RB1: variants seen among roughly 807,000 people sequenced by gnomAD.
RB1 encodes RB transcriptional corepressor 1.
Under a neutral mutation model 135.4 loss-of-function variants are expected in RB1, and 18 were observed. The ratio of observed to expected loss-of-function variants is 0.13; its 90% CI spans 0.09 to 0.20. The LOEUF (loss-of-function observed/expected upper bound fraction) is 0.20. Ranked by LOEUF, RB1 falls within the 10% of genes least tolerant of loss-of-function variation. The pLI is 1.00. For missense variants in RB1, 868 were observed against 1,110.0 expected, an observed-to-expected ratio of 0.78 and a Z score of 3.10; for synonymous variants, 365 against 373.2, an observed-to-expected ratio of 0.98 and a Z score of 0.25.
At chr13:48,431,785 A>C (rs1949132222) in intron 17 of RB1, among the ~76,000 whole-genome samples, 1 of 152,206 alleles carries the variant, frequency 6.6e-6, no homozygotes, top group Non-Finnish European at 1.5e-5. Context: ...CTAACCGAAA[A>C]AGATTGCTGG....
chr13:48,359,479 T>C (rs1300693448), intron 6 of RB1, among the ~76,000 whole-genome samples: 1 of 148,384 alleles, frequency 6.7e-6, no homozygotes, highest in African/African-American at 2.4e-5. Flanking sequence ...TGAGAATTAA[T>C]TGAATCATTG....
intron 17 of RB1, among the ~76,000 whole-genome samples, chr13:48,396,069 G>A (rs1407425379): frequency 1.3e-5 from 2 of 152,132 alleles, no homozygotes; most frequent in Non-Finnish European, 2.9e-5. Flanking sequence ...TGGCCATACT[G>A]CCCACAGTAA....
intron 17 of RB1, among the ~76,000 whole-genome samples, chr13:48,396,863 A>G (rs1328129028): frequency 6.6e-6 from 1 of 152,196 alleles, no homozygotes; most frequent in Non-Finnish European, 1.5e-5. Context: ...TCAAAAGAAG[A>G]TATTTATGTG....
intron 20 of RB1, among the ~76,000 whole-genome samples, chr13:48,460,039 G>A (rs1949395244): frequency 2.0e-5 from 3 of 148,214 alleles, no homozygotes; most frequent in Admixed American, 6.7e-5. Flanking sequence ...GCGCAATCTC[G>A]GCTCACTGCA....
intron 6 of RB1, among the ~76,000 whole-genome samples, chr13:48,358,991 A>G (rs559877456): frequency 6.6e-6 from 1 of 152,216 alleles, no homozygotes; most frequent in South Asian, 2.1e-4. Context: ...GAAAACCTAT[A>G]AAGATGCAAC....
chr13:48,371,372 G>GT (rs1016885485), intron 11 of RB1, among the ~76,000 whole-genome samples: 2 of 152,092 alleles, frequency 1.3e-5, no homozygotes, highest in African/African-American at 4.8e-5. Flanking sequence ...ATTTTGTTTT[G>GT]TTTTTTCTTT....
chr13:48,384,747 G>T (rs2138150032), intron 17 of RB1, among the ~76,000 whole-genome samples: 1 of 152,290 alleles, frequency 6.6e-6, no homozygotes, highest in South Asian at 2.1e-4. Context: ...TAATGGTTGT[G>T]TGGGGAACTG....
intron 2 of RB1, chr13:48,317,158 A>T: frequency 2.7e-6 from 2 of 749,530 alleles, no homozygotes; most frequent in Non-Finnish European, 3.8e-6. Flanking sequence ...CTGAAGGCAG[A>T]GAAGGACGGG....
intron 2 of RB1, among the ~76,000 whole-genome samples, chr13:48,329,737 A>G (rs933358115): frequency 2.0e-5 from 3 of 152,268 alleles, no homozygotes; most frequent in South Asian, 4.1e-4. Flanking sequence ...CATATTCCCC[A>G]AAGTGGAAAT....
chr13:48,377,378 G>A (rs778306364), intron 13 of RB1, among the ~76,000 whole-genome samples: 23 of 152,000 alleles, frequency 1.5e-4, no homozygotes, highest in Non-Finnish European at 3.2e-4. Flanking sequence ...AATGTGAATG[G>A]GACTATACAT....
chr13:48,479,671 A>T (rs1387668849), intron 26 of RB1, among the ~76,000 whole-genome samples: 2 of 151,620 alleles, frequency 1.3e-5, no homozygotes, highest in African/African-American at 4.9e-5. Context: ...TTTTTAATTG[A>T]TATATCATAG....
At chr13:48,412,623 C>T in intron 17 of RB1, 1 of 604,642 alleles carries the variant, frequency 1.7e-6, no homozygotes, top group Non-Finnish European at 3.0e-6. Flanking sequence ...CCGCTGGGTT[C>T]TTCAACAGGA....
At chr13:48,317,298 G>A in intron 2 of RB1, 1 of 397,278 alleles carries the variant, frequency 2.5e-6, no homozygotes, top group East Asian at 4.2e-5. Context: ...GGCTGGGCAG[G>A]CCCCAGGCGG....
At chr13:48,442,102 A>G (rs1337691649) in intron 17 of RB1, among the ~76,000 whole-genome samples, 1 of 152,188 alleles carries the variant, frequency 6.6e-6, no homozygotes, top group African/African-American at 2.4e-5. Context: ...CATCATATTC[A>G]GACATGCTAG....
intron 17 of RB1, among the ~76,000 whole-genome samples, chr13:48,448,654 G>A (rs1410831823): frequency 6.6e-6 from 1 of 152,166 alleles, no homozygotes; most frequent in African/African-American, 2.4e-5. Flanking sequence ...AGAAAAGACA[G>A]TTTGTTTCTC....
chr13:48,421,565 T>A lies in RB1; in HGVS notation c.1696-31428T>A, dbSNP rs1949005218. On this transcript the variant is annotated intron_variant, in intron 17 of 26. Coordinates refer to ENST00000267163, the MANE Select transcript of RB1 (RefSeq NM_000321.3). The stretch of plus-strand genomic sequence containing the variant: ...TTCTGCACAGCAAAAGAAACTATCA[T>A]CAGAGTGAACAGGCAACCTACAGAA... 2.0e-5 allele frequency among the ~76,000 whole-genome samples: 3 copies of A among 152,068 alleles called. 1 individual carries two copies. The highest frequency in any genetic ancestry group is 2.0e-4 in the Admixed American group (3 of 15,272).
intron 17 of RB1, among the ~76,000 whole-genome samples, chr13:48,382,912 T>C (rs1457612921): frequency 6.6e-6 from 1 of 152,138 alleles, no homozygotes; most frequent in Non-Finnish European, 1.5e-5. Context: ...TTTCTACATA[T>C]GGCTGGCCAG....
chr13:48,410,998 G>A (rs1400279606), intron 17 of RB1: 1 of 152,018 alleles, frequency 6.6e-6, no homozygotes, highest in African/African-American at 2.4e-5. Context: ...AAATAAAAAT[G>A]GTATGTTGAA....
intron 17 of RB1, among the ~76,000 whole-genome samples, chr13:48,440,152 T>C (rs1165805765): frequency 1.3e-5 from 2 of 152,142 alleles, no homozygotes; most frequent in Non-Finnish European, 2.9e-5. Flanking sequence ...CTGGCATGCA[T>C]GTTTAATAAA....
Sources: gnomAD v4.1 joint callset for allele counts (sites outside exome capture counted in the v4.1 genomes callset) on GRCh38, gnomAD v4.1.1 for gene constraint, MANE v1.5 for transcripts, NCBI Gene and HGNC (gene_info 2026-07-23, HGNC 2026-07-21) for gene names.